The following ENOSF1 variants were observed in gnomAD, a reference collection of about 807,000 sequenced individuals.
ENOSF1 encodes enolase superfamily member 1.
Under a neutral mutation model 68.2 loss-of-function variants are expected in ENOSF1, and 73 were observed. The observed-to-expected ratio is 1.07, with a 90% CI of 0.89 to 1.30. The LOEUF (loss-of-function observed/expected upper bound fraction) is 1.30, where lower values mean the gene tolerates loss of function less well. ENOSF1 is among the 50% of genes most tolerant of loss of function. The pLI is 0.00. For synonymous variants in ENOSF1, 223 were observed against 210.4 expected, an observed-to-expected ratio of 1.06 and a Z score of -0.52; for missense variants, 589 against 554.5, an observed-to-expected ratio of 1.06 and a Z score of -0.62.
intron 15 of ENOSF1, 73 bp downstream of exon 15, chr18:675,248 G>T: frequency 8.8e-7 from 1 of 1,137,970 alleles, no homozygotes; most frequent in Non-Finnish European, 1.3e-6. Context: ...GTGCTCCACA[G>T]TCTAGTTCAC....
intron 11 of ENOSF1, among the ~76,000 whole-genome samples, chr18:682,310 C>G (rs2076154374): frequency 6.6e-6 from 1 of 152,166 alleles, no homozygotes; most frequent in South Asian, 2.1e-4. Context: ...CAAACCTGTA[C>G]AGCATGCTAC....
At chr18:678,043 G>A in intron 12 of ENOSF1, 171 bp from the exon 13 acceptor site, 2 of 692,512 alleles carry the variant, frequency 2.9e-6, no homozygotes, top group Non-Finnish European at 4.5e-6. Context: ...AGCTTTTATA[G>A]CGTGGGCAGG....
Position 712,325 on chromosome 18 carries a change from G to T in ENOSF1, c.84+179C>A. The T allele has an allele frequency of 8.5e-6, 13 of 1,523,954 alleles. 2 individuals are homozygous for T. The highest frequency in any genetic ancestry group is 4.0e-5 in the Admixed American group (2 of 49,942). 94.4% of individuals were successfully genotyped at this position (1,523,954 alleles called of 1,614,324 possible). On this transcript the variant is annotated intron_variant, in intron 1 of 15. Transcript: ENST00000647584. ...GGGGCCCGCAGAGCTGCAGTCGGCGGGGCGGGAGGGACCCGGGCCGCAAGC... is the reference window on the plus strand; with the variant it reads ...GGGGCCCGCAGAGCTGCAGTCGGCGTGGCGGGAGGGACCCGGGCCGCAAGC...
At chr18:697,048 C>A (rs907568512) in intron 3 of ENOSF1, among the ~76,000 whole-genome samples, 192 bp downstream of exon 3, 2 of 152,042 alleles carry the variant, frequency 1.3e-5, no homozygotes, top group African/African-American at 2.4e-5. Context: ...ACCCAGGAGG[C>A]GGAGGTTGCA....
intron 2 of ENOSF1, among the ~76,000 whole-genome samples, chr18:701,939 G>GATAGATAA (rs2078398279): frequency 6.8e-6 from 1 of 148,064 alleles, no homozygotes; most frequent in Admixed American, 6.8e-5. Context: ...TAAATACATA[G>GATAGATAA]ATAAATAAAT....
chr18:675,186 C>T, intron 15 of ENOSF1, 135 bp downstream of exon 15: 3 of 718,670 alleles, frequency 4.2e-6, no homozygotes, highest in Non-Finnish European at 7.3e-6. Context: ...TACAGACAAA[C>T]TGAAGAACCG....
intron 11 of ENOSF1, among the ~76,000 whole-genome samples, chr18:682,808 G>A (rs1415738351): frequency 4.6e-5 from 7 of 150,692 alleles, no homozygotes; most frequent in Non-Finnish European, 8.8e-5. Context: ...GCTTGAACTC[G>A]GGAGGCAGAG....
intron 8 of ENOSF1, 47 bp downstream of exon 8, chr18:690,502 G>C: frequency 5.6e-6 from 9 of 1,595,122 alleles, no homozygotes; most frequent in Non-Finnish European, 7.7e-6. Flanking sequence ...AAAACAGGTT[G>C]GTTTCTCCCC....
chr18:702,815 T>C (rs1301188289), intron 2 of ENOSF1, among the ~76,000 whole-genome samples: 2 of 152,170 alleles, frequency 1.3e-5, no homozygotes, highest in African/African-American at 4.8e-5. Context: ...GTAAATTTAA[T>C]AAAGTCATGA....
chr18:677,198 A>C, intron 14 of ENOSF1, 147 bp downstream of exon 14: 1 of 660,970 alleles, frequency 1.5e-6, no homozygotes, highest in Non-Finnish European at 2.6e-6. Context: ...GTCTCTGTGA[A>C]AGCAAAACCA....
chr18:711,679 T>C (rs2079563862), intron 1 of ENOSF1, among the ~76,000 whole-genome samples: 2 of 152,058 alleles, frequency 1.3e-5, no homozygotes, highest in South Asian at 2.1e-4. Flanking sequence ...TCTAACACCC[T>C]CAGTAAGCAA....
At position 675,301 on chromosome 18, in the gene ENOSF1, G is replaced by T; in HGVS notation, c.1230+20C>A. ...GGCTGGCAGCATCTCTTCTACAGGG[G>T]CCCTCAGGCCACAGCTTACCTTGGG... On this transcript the variant is annotated intron_variant, in intron 15 of 15. Coordinates refer to ENST00000647584, the MANE Select transcript of ENOSF1 (RefSeq NM_017512.7). 6.3e-7 allele frequency: 1 copy of T among 1,596,188 alleles called. No individual in the cohort carries two copies. The highest frequency in any genetic ancestry group is 8.5e-7 in the Non-Finnish European group (1 of 1,169,662).
chr18:698,075 T>TA (rs1328235473), intron 2 of ENOSF1, among the ~76,000 whole-genome samples: 1 of 152,238 alleles, frequency 6.6e-6, no homozygotes, highest in Admixed American at 6.5e-5. Flanking sequence ...ATTACAGGCA[T>TA]AAGCCACTGT....
intron 14 of ENOSF1, 44 bp from the exon 15 acceptor site, chr18:675,446 G>T: frequency 6.6e-7 from 1 of 1,515,166 alleles, no homozygotes; most frequent in Non-Finnish European, 9.1e-7. Flanking sequence ...CCTGAAGTCA[G>T]ATTATTCACG....
At chr18:691,346 TTTATTA>T in intron 5 of ENOSF1, 70 bp from the exon 6 acceptor site, 1 of 1,296,074 alleles carries the variant, frequency 7.7e-7, no homozygotes, top group Non-Finnish European at 1.1e-6. Flanking sequence ...TTTTTTAAAA[TTTATTA>T]TTCTTTTTTT....
chr18:704,605 C>CTTTTTTTT (rs367666026), intron 2 of ENOSF1, among the ~76,000 whole-genome samples: 3 of 135,310 alleles, frequency 2.2e-5, no homozygotes, highest in Non-Finnish European at 3.1e-5. Context: ...TCTTCTGTAT[C>CTTTTTTTT]TTTTTTCTTT....
intron 1 of ENOSF1, 61 bp from the exon 2 acceptor site, chr18:706,639 G>A (rs1044771054): frequency 6.5e-5 from 82 of 1,255,714 alleles, no homozygotes; most frequent in Non-Finnish European, 9.1e-5. Context: ...AAAGAACCAT[G>A]AGAATGATGT....
downstream of ENOSF1, among the ~76,000 whole-genome samples, chr18:667,131 AGATGGTGATGGT>A (rs1179372941): frequency 0.014 from 490 of 34,736 alleles, 29 homozygotes; most frequent in Admixed American, 0.047. Context: ...ATGGTGATGG[AGATGGTGATGGT>A]GATGGTGATG....
chr18:710,243 G>C (rs1281744040), intron 1 of ENOSF1, among the ~76,000 whole-genome samples: 1 of 152,028 alleles, frequency 6.6e-6, no homozygotes, highest in Non-Finnish European at 1.5e-5. Flanking sequence ...TGAGTGGCTG[G>C]GACCACAGGT....
Sources: allele counts gnomAD v4.1 joint callset (sites outside exome capture counted in the v4.1 genomes callset), GRCh38; gene constraint gnomAD v4.1.1; transcripts MANE v1.5; gene names NCBI Gene and HGNC (gene_info 2026-07-23, HGNC 2026-07-21).